The following MOK variants were observed in gnomAD, a reference collection of about 807,000 sequenced individuals.
MOK encodes MAPK/MAK/MRK overlapping kinase.
MOK carries 59 observed loss-of-function variants against 54.2 expected under a neutral mutation model. That is an observed-to-expected ratio of 1.09 (90% CI 0.88 to 1.35). The LOEUF is 1.35. Among genes scored for constraint, MOK ranks in the 40% most tolerant of loss-of-function variants. The pLI is 0.00. For missense variants in MOK, 517 were observed against 526.2 expected (o/e 0.98, Z 0.17); for synonymous variants, 210 against 202.7 (o/e 1.04, Z -0.31).
the MOK span, chr14:102,214,798 G>A: frequency 1.0e-6 from 1 of 978,764 alleles, no homozygotes; most frequent in Non-Finnish European, 1.2e-6. Flanking sequence ...ATTCTTTACT[G>A]TTGCAATAAT....
rs142068183 is a variant in MOK at position 102,289,052 on chromosome 14, G to A, written c.8-5460C>T. Among the ~76,000 whole-genome samples, 1,034 of 152,102 alleles carry A rather than the reference G, an allele frequency of 6.8e-3. 18 individuals carry two copies. The highest frequency in any genetic ancestry group is 0.024 in the African/African-American group (979 of 41,484). On this transcript the variant is annotated intron_variant, in intron 1 of 11. Transcript: ENST00000361847. ...TGAGTAGCTGGGACTACAGGCACCC[G>A]CCACCATGCCCAGCTAATTGTTTTG...
rs1243417678 is a variant in MOK, at chr14:102,250,856, C to T, written c.546G>A (p.Lys182=). ...CLLTDGFYTY[K]MDLWSAGCVF... ...CACAGCCGGCGCTCCACAGGTCCATCTTGTACGTGTAGAACCCATCAGTGA... is the reference window on the plus strand; with the variant it reads ...CACAGCCGGCGCTCCACAGGTCCATTTTGTACGTGTAGAACCCATCAGTGA... Residue 182 remains lysine (K), a synonymous_variant, in exon 7 of 12, where the codon AAG becomes AAA. Coordinates refer to ENST00000361847, the MANE Select transcript of MOK (RefSeq NM_014226.3). 1.2e-6 allele frequency: 2 copies of T among 1,614,082 alleles called. No individual in the cohort carries two copies. Among genetic ancestry groups the T allele is most frequent in the Non-Finnish European group, 8.5e-7 (1 of 1,180,022 alleles).
intron 2 of MOK, among the ~76,000 whole-genome samples, chr14:102,275,563 C>CAAAA (rs35983579): frequency 2.8e-5 from 2 of 71,502 alleles, no homozygotes; most frequent in Admixed American, 1.6e-4. Context: ...GACTCCATCT[C>CAAAA]AAAAAAAAAA....
intron 2 of MOK, among the ~76,000 whole-genome samples, chr14:102,276,528 C>T (rs1001942456): frequency 1.3e-5 from 2 of 151,932 alleles, no homozygotes; most frequent in African/African-American, 4.8e-5. Context: ...AAGTTACAAT[C>T]ACTTTGAGAA....
At chr14:102,247,830 A>G (rs1420608896) in intron 7 of MOK, among the ~76,000 whole-genome samples, 1 of 152,200 alleles carries the variant, frequency 6.6e-6, no homozygotes, top group Non-Finnish European at 1.5e-5. Flanking sequence ...AAATTAAAGA[A>G]AATGTCCCCC....
At chr14:102,279,807 T>C (rs995919432) in intron 2 of MOK, among the ~76,000 whole-genome samples, 9 of 152,156 alleles carry the variant, frequency 5.9e-5, no homozygotes, top group African/African-American at 1.9e-4. Flanking sequence ...GCCACAGTAC[T>C]AATCCATTAT....
chr14:102,263,763 G>A, intron 3 of MOK, 147 bp from the exon 4 acceptor site: 1 of 465,004 alleles, frequency 2.2e-6, no homozygotes, highest in South Asian at 5.0e-5. Context: ...AACAGTAAAG[G>A]TTTTGATTTT....
intron 4 of MOK, among the ~76,000 whole-genome samples, chr14:102,262,220 A>G (rs2067534736): frequency 6.6e-6 from 1 of 151,988 alleles, no homozygotes; most frequent in Non-Finnish European, 1.5e-5. Flanking sequence ...ATCTCAGCTC[A>G]CTGCAACCCC....
intron 3 of MOK, among the ~76,000 whole-genome samples, chr14:102,264,981 G>A (rs1452540702): frequency 6.6e-6 from 1 of 152,218 alleles, no homozygotes; most frequent in African/African-American, 2.4e-5. Flanking sequence ...GAGCTGTCAG[G>A]AAGAAGGCTT....
At position 102,247,147 on chromosome 14, in the gene MOK, G is replaced by A. The variant is rs1310427779; in HGVS notation, c.590+3665C>T. Among the ~76,000 whole-genome samples the A allele has an allele frequency of 1.4e-4, 21 of 152,000 alleles. 1 individual carries two copies. Among genetic ancestry groups the A allele is most frequent in the Admixed American group, 1.4e-3 (21 of 15,260 alleles). On this transcript the variant is annotated intron_variant, in intron 7 of 11. Transcript: ENST00000361847. ...CAACACTCCCACATGGATCTTAGTG[G>A]ACACAAAATGCTTCCTCTTACGCTG...
At chr14:102,227,444 A>C (rs1196470357), downstream of MOK, among the ~76,000 whole-genome samples, 1 of 151,716 alleles carries the variant, frequency 6.6e-6, no homozygotes, top group Non-Finnish European at 1.5e-5. Flanking sequence ...CTGTAGAGGC[A>C]GAACGGCACC....
downstream of MOK, chr14:102,226,261 T>C (rs896640988): frequency 1.5e-6 from 1 of 680,694 alleles, no homozygotes. This position sits in a 1 kb window ranked among gnomAD's most constrained non-coding sequence, Gnocchi z 4.8. Flanking sequence ...GTCAGGAGGG[T>C]GAGGTGGGTG....
chr14:102,283,280 T>G, intron 2 of MOK, 198 bp downstream of exon 2: 1 of 425,180 alleles, frequency 2.4e-6, no homozygotes, highest in Non-Finnish European at 4.2e-6. Context: ...CATTCATCAC[T>G]GATATTACAG....
rs1183131889 is a variant in MOK, at chr14:102,249,831, G to T, written c.590+981C>A. ...TAGCTTCTATTCCAGAAAATGGCAGGCTCTTGTGACTAAAGGAGAGAGGAG... is the reference window on the plus strand; with the variant it reads ...TAGCTTCTATTCCAGAAAATGGCAGTCTCTTGTGACTAAAGGAGAGAGGAG... On this transcript the variant is annotated intron_variant, in intron 7 of 11. Coordinates refer to ENST00000361847, the MANE Select transcript of MOK (RefSeq NM_014226.3). This position sits in a 1 kb window ranked among gnomAD's most constrained non-coding sequence, Gnocchi z 5.3. Among the ~76,000 whole-genome samples the T allele has an allele frequency of 6.6e-6, 1 of 152,230 alleles. No individual in the cohort carries two copies. The highest frequency in any genetic ancestry group is 1.5e-5 in the Non-Finnish European group (1 of 68,038).
At chr14:102,227,309 T>C (rs376135347), downstream of MOK, among the ~76,000 whole-genome samples, 3 of 150,596 alleles carry the variant, frequency 2.0e-5, no homozygotes, top group East Asian at 2.0e-4. Flanking sequence ...CACAGGTCCC[T>C]CTCTTGTGAC....
chr14:102,286,298 C>CAAA (rs60479729), intron 1 of MOK, among the ~76,000 whole-genome samples: 15 of 25,586 alleles, frequency 5.9e-4, no homozygotes, highest in African/African-American at 1.4e-3. Flanking sequence ...GACTCCGTCT[C>CAAA]AAAAAAAAAA....
At chr14:102,263,137 C>T (rs1314873865) in intron 4 of MOK, among the ~76,000 whole-genome samples, 1 of 152,236 alleles carries the variant, frequency 6.6e-6, no homozygotes, top group African/African-American at 2.4e-5. Flanking sequence ...ACATGCAGGG[C>T]AGTATTTTGG....
intron 1 of MOK, among the ~76,000 whole-genome samples, chr14:102,290,581 G>A (rs1406344585): frequency 1.3e-5 from 2 of 152,162 alleles, no homozygotes; most frequent in Non-Finnish European, 2.9e-5. Flanking sequence ...AGAGCCAAGT[G>A]TCACAACTGG....
intron 4 of MOK, among the ~76,000 whole-genome samples, chr14:102,262,001 C>G (rs972142455): frequency 6.6e-6 from 1 of 151,802 alleles, no homozygotes; most frequent in South Asian, 2.1e-4. Flanking sequence ...CCACCACGCC[C>G]GGCTAATTTT....
Sources: allele counts gnomAD v4.1 joint callset (sites outside exome capture counted in the v4.1 genomes callset), GRCh38; gene constraint gnomAD v4.1.1; non-coding constraint Gnocchi (gnomAD v3.1); transcripts MANE v1.5; gene names NCBI Gene and HGNC (gene_info 2026-07-23, HGNC 2026-07-21).